BTNL3: variants seen among roughly 807,000 people sequenced by gnomAD.
BTNL3 encodes the protein butyrophilin-like protein 3.
A neutral mutation model predicts 40.1 loss-of-function variants in BTNL3; 20 were observed. That is an observed-to-expected ratio of 0.50 (90% CI 0.35 to 0.72). BTNL3 has a LOEUF of 0.72. BTNL3 is among the 30% of genes least tolerant of loss of function. BTNL3 has a pLI of 0.01. For missense variants in BTNL3, 449 were observed against 582.2 expected (o/e 0.77, Z 2.35); for synonymous variants, 179 against 222.1 (o/e 0.81, Z 1.73).
At chr5:180,990,403 G>A (rs935057251) in intron 1 of BTNL3, among the ~76,000 whole-genome samples, 1 of 137,720 alleles carries the variant, frequency 7.3e-6, no homozygotes, top group Non-Finnish European at 1.7e-5. Flanking sequence ...ATGACATAGA[G>A]ATAATAAGAT....
Position 181,006,673 on chromosome 5 carries a change from T to A in BTNL3, c.*801T>A, listed in dbSNP as rs1402329402. 1 of 152,224 alleles carries A rather than the reference T, an allele frequency of 6.6e-6. No homozygotes were observed. The highest frequency in any genetic ancestry group is 2.4e-5 in the African/African-American group (1 of 41,454). 9.4% of individuals were successfully genotyped at this position (152,224 alleles called of 1,614,324 possible). On this transcript the variant is annotated 3_prime_UTR_variant, in exon 8 of 8. Transcript: ENST00000342868. ...CACAAATGCAGAGTTGGTTTAATAT[T>A]TAAATATCAACCAGTGTAATTCAGC...
chr5:181,002,357 C>G (rs1225215011), intron 3 of BTNL3, among the ~76,000 whole-genome samples: 1 of 66,408 alleles, frequency 1.5e-5, no homozygotes, highest in African/African-American at 4.0e-5. Context: ...CACACACACA[C>G]ACACACACAC....
chr5:180,995,765 G>A (rs555853609), intron 2 of BTNL3, among the ~76,000 whole-genome samples: 4 of 135,934 alleles, frequency 2.9e-5, no homozygotes, highest in South Asian at 4.4e-4. Flanking sequence ...AAAGATTCCC[G>A]CTGGGCCACC....
In BTNL3 at chr5:181,001,769, C is replaced by T. The variant is rs562685482; in HGVS notation, c.674-903C>T. 6.7e-5 allele frequency among the ~76,000 whole-genome samples: 9 copies of T among 135,104 alleles called. 1 individual carries two copies. Among genetic ancestry groups the T allele is most frequent in the East Asian group, 2.2e-4 (1 of 4,512 alleles). 88.6% of individuals were successfully genotyped at this position (135,104 alleles called of 152,430 possible). ...CTGAGGAAGGAGAATGGCGTGAACCCGGGAGGCAGAGGTTGCAGTGAGCCG... is the reference window on the plus strand; with the variant it reads ...CTGAGGAAGGAGAATGGCGTGAACCTGGGAGGCAGAGGTTGCAGTGAGCCG... On this transcript the variant is annotated intron_variant, in intron 3 of 7. Transcript: ENST00000342868.
rs2276996 is a variant in BTNL3 at position 181,004,169 on chromosome 5, C to G, written c.809-248C>G. Among the ~76,000 whole-genome samples the G allele has an allele frequency of 0.57, 85,562 of 149,968 alleles. 24,797 individuals are homozygous for G. The highest frequency in any genetic ancestry group is 0.75 in the African/African-American group (30,567 of 40,770). ...TGTTGATCATGAGCTCTGAGGGTGT[C>G]TGGGCCACAGTGAGGAACCTGAGAA... is the stretch of plus-strand genomic sequence containing the variant. On this transcript the variant is annotated intron_variant, in intron 5 of 7. Transcript: ENST00000342868.
chr5:181,002,128 T>C (rs933412620), intron 3 of BTNL3, among the ~76,000 whole-genome samples: 1 of 133,326 alleles, frequency 7.5e-6, no homozygotes, highest in African/African-American at 2.6e-5. Context: ...GCTTTGAAGA[T>C]TAAGCCAATT....
Position 181,006,203 on chromosome 5 carries a change from C to T in BTNL3, c.*331C>T, listed in dbSNP as rs1760228328. 2 of 413,650 alleles carry T rather than the reference C, an allele frequency of 4.8e-6. No homozygotes were observed. The highest frequency in any genetic ancestry group is 7.9e-5 in the Admixed American group (2 of 25,302). 25.6% of individuals were successfully genotyped at this position (413,650 alleles called of 1,614,324 possible). ...CTTGAACAAGTCACAACCTCCCAGG[C>T]TCCTCATTTGCTAGTCACGGACAGT... On this transcript the variant is annotated 3_prime_UTR_variant, in exon 8 of 8. Transcript: ENST00000342868.
rs189990918 is a variant in BTNL3, at chr5:180,989,811, A to G, written c.49+734A>G. ...AACAGTTCCATCCTGCTATTTGTCT[A>G]CCTATGACTGTTTTGCTAAACAAAG... On this transcript the variant is annotated intron_variant, in intron 1 of 7. Coordinates refer to ENST00000342868, the MANE Select transcript of BTNL3 (RefSeq NM_197975.3). Among the ~76,000 whole-genome samples the G allele has an allele frequency of 1.6e-3, 218 of 136,658 alleles. 41 individuals are homozygous for G. In the East Asian group the frequency reaches 0.037, roughly 23 times the overall value. The allele number at this position is 136,658 out of a possible 152,430, so 89.7% of individuals were successfully genotyped here.
In BTNL3 at chr5:180,995,126, G is replaced by T. The variant is rs192230305; in HGVS notation, c.397+1966G>T. Among the ~76,000 whole-genome samples, 3 of 136,726 alleles carry T rather than the reference G, an allele frequency of 2.2e-5. 1 individual carries two copies. In the Admixed American group the frequency reaches 2.3e-4, roughly 11 times the overall value. 89.7% of individuals were successfully genotyped at this position (136,726 alleles called of 152,430 possible). A position where few individuals can be genotyped will look rare whatever the true frequency, so the allele number is the denominator to read the frequency against. ...CTGTCATCTCCACTCTAGCATTGAAGCTACCCAGTTAGTTTTTGTTTTTGC... is the reference window on the plus strand; with the variant it reads ...CTGTCATCTCCACTCTAGCATTGAATCTACCCAGTTAGTTTTTGTTTTTGC... On this transcript the variant is annotated intron_variant, in intron 2 of 7. Transcript: ENST00000342868.
At chr5:181,003,926 C>T (rs759977391) in intron 5 of BTNL3, 50 bp downstream of exon 5, 2 of 1,613,776 alleles carry the variant, frequency 1.2e-6, no homozygotes, top group Non-Finnish European at 8.5e-7. Context: ...CGGGTCCCTC[C>T]CTGATCCACA....
In BTNL3 at chr5:181,006,314, G is replaced by A. The variant is rs1041580613; in HGVS notation, c.*442G>A. Reference sequence around the variant, plus strand: ...TGAGGGCACAGTGTTTGCTAATGATGTGTTTTTATATTATACATTTTCCCA... The same window carrying A: ...TGAGGGCACAGTGTTTGCTAATGATATGTTTTTATATTATACATTTTCCCA... On this transcript the variant is annotated 3_prime_UTR_variant, in exon 8 of 8. Transcript: ENST00000342868. 1 of 306,216 alleles carries A rather than the reference G, an allele frequency of 3.3e-6. No homozygotes were observed. The highest frequency in any genetic ancestry group is 5.9e-6 in the Non-Finnish European group (1 of 168,842). 19.0% of individuals were successfully genotyped at this position (306,216 alleles called of 1,614,324 possible). A position where few individuals can be genotyped will look rare whatever the true frequency, so the allele number is the denominator to read the frequency against.
chr5:181,003,402 T>C (rs1327017825), intron 4 of BTNL3, among the ~76,000 whole-genome samples: 1 of 135,428 alleles, frequency 7.4e-6, no homozygotes, highest in Admixed American at 7.9e-5. Flanking sequence ...TAAATAAATT[T>C]CTACTAACGA....
Position 180,989,226 on chromosome 5 carries a change from A to G in BTNL3, c.49+149A>G, listed in dbSNP as rs1759940043. On this transcript the variant is annotated intron_variant, in intron 1 of 7. Coordinates refer to ENST00000342868, the MANE Select transcript of BTNL3 (RefSeq NM_197975.3). ...CCTGGCCTCAGGCTGGAAACTACCAATGCCAGGAGCTGTGGGAAGCACAGG... is the reference window on the plus strand; with the variant it reads ...CCTGGCCTCAGGCTGGAAACTACCAGTGCCAGGAGCTGTGGGAAGCACAGG... 4 of 1,046,612 alleles carry G rather than the reference A, an allele frequency of 3.8e-6. No individual in the cohort carries two copies. In the Admixed American group the frequency reaches 1.1e-4, roughly 29 times the overall value. The allele number at this position is 1,046,612 out of a possible 1,614,324, so 64.8% of individuals were successfully genotyped here. A position where few individuals can be genotyped will look rare whatever the true frequency, so the allele number is the denominator to read the frequency against.
chr5:181,002,545 C>A, intron 3 of BTNL3, 127 bp from the exon 4 acceptor site: 2 of 763,996 alleles, frequency 2.6e-6, no homozygotes, highest in Non-Finnish European at 3.7e-6. Context: ...AAATGCAAAG[C>A]TTTAAATCTG....
Position 180,995,670 on chromosome 5 carries a change from CT to C in BTNL3, c.398-1542del, listed in dbSNP as rs1213421613. Among the ~76,000 whole-genome samples, 3 of 136,450 alleles carry C rather than the reference CT, an allele frequency of 2.2e-5. 1 individual carries two copies. Among genetic ancestry groups the C allele is most frequent in the African/African-American group, 7.6e-5 (3 of 39,656 alleles). The allele number at this position is 136,450 out of a possible 152,430, so 89.5% of individuals were successfully genotyped here. ...CATAGTGGGAAAAAGTACTCTTCCC[CT>C]GGTCTCCAGTCAATGGGGCTTATGA... On this transcript the variant is annotated intron_variant, in intron 2 of 7. Transcript: ENST00000342868.
intron 2 of BTNL3, 65 bp downstream of exon 2, chr5:180,993,225 G>A (rs1759996841): frequency 7.3e-7 from 1 of 1,371,172 alleles, no homozygotes; most frequent in East Asian, 2.7e-5. Flanking sequence ...GCTCTTAAAA[G>A]TATTTCAGAT....
At chr5:180,992,018 C>T (rs1430052966) in intron 1 of BTNL3, among the ~76,000 whole-genome samples, 1 of 137,792 alleles carries the variant, frequency 7.3e-6, no homozygotes, top group African/African-American at 2.5e-5. Context: ...ATGCAGCCCA[C>T]AGGCTGTGGC....
In BTNL3 at chr5:180,998,440, T is replaced by C. The variant is rs1344438654; in HGVS notation, c.673+952T>C. ...TGATTAAATAAGTAGACAAAATGAG[T>C]AAGAATATATACTATTTGAACTAAA... On this transcript the variant is annotated intron_variant, in intron 3 of 7. Coordinates refer to ENST00000342868, the MANE Select transcript of BTNL3 (RefSeq NM_197975.3). 1.5e-4 allele frequency among the ~76,000 whole-genome samples: 21 copies of C among 136,584 alleles called. 3 individuals carry two copies. The highest frequency in any genetic ancestry group is 5.3e-4 in the African/African-American group (21 of 39,734). The allele number at this position is 136,584 out of a possible 152,430, so 89.6% of individuals were successfully genotyped here. A position where few individuals can be genotyped will look rare whatever the true frequency, so the allele number is the denominator to read the frequency against.
rs1325839865 is a variant in BTNL3 at position 180,993,890 on chromosome 5, T to C, written c.397+730T>C. 5.1e-5 allele frequency among the ~76,000 whole-genome samples: 7 copies of C among 137,344 alleles called. 1 individual carries two copies. The highest frequency in any genetic ancestry group is 1.8e-4 in the African/African-American group (7 of 39,862). The allele number at this position is 137,344 out of a possible 152,430, so 90.1% of individuals were successfully genotyped here. A position where few individuals can be genotyped will look rare whatever the true frequency, so the allele number is the denominator to read the frequency against. On this transcript the variant is annotated intron_variant, in intron 2 of 7. Transcript: ENST00000342868. ...ATCTCAGCTCACTGCAACCTCCACC[T>C]CCTGGATTCAAGTGACTCTTGTACC...
Sources: gnomAD v4.1 joint callset for allele counts (sites outside exome capture counted in the v4.1 genomes callset) on GRCh38, gnomAD v4.1.1 for gene constraint, MANE v1.5 for transcripts, NCBI Gene and HGNC (gene_info 2026-07-23, HGNC 2026-07-21) for gene names.